SLC51A: variants seen among roughly 807,000 people sequenced by gnomAD.
SLC51A encodes the protein solute carrier family 51 member A.
Under a neutral mutation model 34.8 loss-of-function variants are expected in SLC51A, and 22 were observed. The observed-to-expected ratio is 0.63, with a 90% CI of 0.45 to 0.90. The LOEUF is 0.90. Among genes scored for constraint, SLC51A ranks in the 40% least tolerant of loss-of-function variants. SLC51A has a pLI of 0.00. For synonymous variants in SLC51A, 181 were observed against 176.3 expected (o/e 1.03, Z -0.21); for missense variants, 371 against 414.8 (o/e 0.89, Z 0.92).
chr3:196,231,370 C>T (rs1472393136), intron 7 of SLC51A, among the ~76,000 whole-genome samples: 1 of 152,206 alleles, frequency 6.6e-6, no homozygotes, highest in Admixed American at 6.5e-5. Context: ...GACTTTTCCA[C>T]CAAATGCAAT....
chr3:196,225,318 G>A (rs1245930306), intron 2 of SLC51A, among the ~76,000 whole-genome samples: 1 of 152,062 alleles, frequency 6.6e-6, no homozygotes, highest in Non-Finnish European at 1.5e-5. Flanking sequence ...AGTCCTGGTT[G>A]GTCCTGTGGT....
In SLC51A at chr3:196,232,493, G is replaced by A. The variant is rs183622509; in HGVS notation, c.855G>A (p.Ser285=). The change falls in exon 8 of 9, where the codon TCG becomes TCA. Residue 285 remains serine, a synonymous_variant. Coordinates refer to ENST00000296327, the MANE Select transcript of SLC51A (RefSeq NM_152672.6). The part of the protein sequence containing the change: ...VLANGGQIAC[S]PPYSSKTRSQ... ...CCAACGGTGGGCAGATTGCTTGTTC[G>A]CCTCCCTATTCCTCTAAAACCAGGT... 3.3e-5 allele frequency: 53 copies of A among 1,613,978 alleles called. No homozygotes were observed. In the Admixed American group the frequency reaches 3.7e-4, roughly 11 times the overall value.
In SLC51A at chr3:196,216,942, C is replaced by T. The variant is rs1430892788; in HGVS notation, c.38+192C>T. Among the ~76,000 whole-genome samples, 1 of 152,168 alleles carries T rather than the reference C, an allele frequency of 6.6e-6. No homozygotes were observed. Among genetic ancestry groups the T allele is most frequent in the Non-Finnish European group, 1.5e-5 (1 of 68,022 alleles). On this transcript the variant is annotated intron_variant, in intron 1 of 8. Transcript: ENST00000296327. The surrounding 1 kb of genome is among the most constrained non-coding windows in gnomAD (Gnocchi z 4.5). ...GCCAGGGTGTGACACTCCAGGGCCT[C>T]GGCCTTGCCCCCCAGCGTGGGGAGA... is the stretch of plus-strand genomic sequence containing the variant.
intron 2 of SLC51A, among the ~76,000 whole-genome samples, chr3:196,222,009 C>T (rs910401133): frequency 6.6e-5 from 10 of 152,158 alleles, no homozygotes; most frequent in East Asian, 1.9e-4. Context: ...TGAGCCCCCC[C>T]GCCCGGCCTG....
intron 2 of SLC51A, among the ~76,000 whole-genome samples, chr3:196,220,840 C>T (rs1056183392): frequency 3.3e-5 from 5 of 151,116 alleles, no homozygotes; most frequent in Non-Finnish European, 7.4e-5. Context: ...GAGGCTGTGG[C>T]GAAACTCCTT....
intron 2 of SLC51A, among the ~76,000 whole-genome samples, 169 bp from the exon 3 acceptor site, chr3:196,226,793 AAAG>A (rs1169363492): frequency 0.059 from 8,562 of 145,574 alleles, 439 homozygotes; most frequent in Non-Finnish European, 0.086. Flanking sequence ...AAAAAAAGAA[AAAG>A]AAAAAAAAAA....
rs118117782 is a variant in SLC51A at position 196,221,701 on chromosome 3, T to G, written c.133+3765T>G. Among the ~76,000 whole-genome samples the G allele has an allele frequency of 5.0e-3, 754 of 151,836 alleles. 23 individuals carry two copies. In the South Asian group the frequency reaches 0.065, roughly 13 times the overall value. On this transcript the variant is annotated intron_variant, in intron 2 of 8. Transcript: ENST00000296327. ...TTTACTTTGTTTTTGTTTGTTTGTT[T>G]GTTTGGTTTGGTTTTTTGTTTTTTT...
Position 196,228,804 on chromosome 3 carries a change from C to T in SLC51A, c.522-5C>T. On this transcript the variant is annotated splice_polypyrimidine_tract_variant and splice_region_variant and intron_variant, in intron 5 of 8. Coordinates refer to ENST00000296327, the MANE Select transcript of SLC51A (RefSeq NM_152672.6). This position sits in a 1 kb window ranked among gnomAD's most constrained non-coding sequence, Gnocchi z 4.9. ...CCCATGTTCCTAACCCTCTTCCCCA[C>T]TCAGGAAGAAGCTTCAGCTGCTGAT... The T allele has an allele frequency of 6.2e-7, 1 of 1,611,366 alleles. No homozygotes were observed. The highest frequency in any genetic ancestry group is 8.5e-7 in the Non-Finnish European group (1 of 1,177,516).
chr3:196,232,477 G>A lies in SLC51A; in HGVS notation c.839G>A (p.Gly280Glu), dbSNP rs963667914. Residue 280 changes from glycine to glutamate, a missense_variant, in exon 8 of 9, where the codon GGG becomes GAG. Transcript: ENST00000296327. Reference sequence around the variant, plus strand: ...ATCTTCTCAGTCTTGGCCAACGGTGGGCAGATTGCTTGTTCGCCTCCCTAT... The same window carrying A: ...ATCTTCTCAGTCTTGGCCAACGGTGAGCAGATTGCTTGTTCGCCTCCCTAT... ...PSIFSVLANG[G>E]QIACSPPYSS... 3 of 1,614,098 alleles carry A rather than the reference G, an allele frequency of 1.9e-6. No homozygotes were observed. Among genetic ancestry groups the A allele is most frequent in the East Asian group, 2.2e-5 (1 of 44,896 alleles).
At chr3:196,229,855 A>AAGAGAG (rs144375332) in intron 6 of SLC51A, 60 bp from the exon 7 acceptor site, 3 of 1,393,838 alleles carry the variant, frequency 2.2e-6, no homozygotes, top group Non-Finnish European at 2.9e-6. Context: ...CATCTCTTGA[A>AAGAGAG]AGAGAGAGAG....
At position 196,228,538 on chromosome 3, in the gene SLC51A, G is replaced by T; in HGVS notation, c.521+265G>T. 1 of 604,368 alleles carries T rather than the reference G, an allele frequency of 1.7e-6. No individual in the cohort carries two copies. The highest frequency in any genetic ancestry group is 2.9e-6 in the Non-Finnish European group (1 of 343,850). The allele number at this position is 604,368 out of a possible 1,614,324, so 37.4% of individuals were successfully genotyped here. ...AAACTGGACTTGGGGCCATTCGCTT[G>T]CCCCTTCTGCCCACTTTGGTGAATG... On this transcript the variant is annotated intron_variant, in intron 5 of 8. Transcript: ENST00000296327. This position sits in a 1 kb window ranked among gnomAD's most constrained non-coding sequence, Gnocchi z 4.9.
At chr3:196,227,850 G>T in intron 4 of SLC51A, 113 bp downstream of exon 4, 1 of 1,114,732 alleles carries the variant, frequency 9.0e-7, no homozygotes. Flanking sequence ...CCCAGCTTGT[G>T]CTAGTTCCGG....
intron 2 of SLC51A, among the ~76,000 whole-genome samples, chr3:196,223,423 T>C (rs544553376): frequency 4.7e-4 from 71 of 151,774 alleles, no homozygotes; most frequent in African/African-American, 1.7e-3. Context: ...ATAGCCCTGA[T>C]GTGGGCGGAA....
At position 196,228,480 on chromosome 3, in the gene SLC51A, C is replaced by T; in HGVS notation, c.521+207C>T. ...CTCCTCAATTGTCATCACTGAACTTCACTGCACCCTGCAAGCCTTAGCCAC... is the reference window on the plus strand; with the variant it reads ...CTCCTCAATTGTCATCACTGAACTTTACTGCACCCTGCAAGCCTTAGCCAC... On this transcript the variant is annotated intron_variant, in intron 5 of 8. Coordinates refer to ENST00000296327, the MANE Select transcript of SLC51A (RefSeq NM_152672.6). This position sits in a 1 kb window ranked among gnomAD's most constrained non-coding sequence, Gnocchi z 4.9. The T allele has an allele frequency of 3.1e-6, 2 of 650,536 alleles. No individual in the cohort carries two copies. The highest frequency in any genetic ancestry group is 5.2e-6 in the Non-Finnish European group (2 of 384,610). The allele number at this position is 650,536 out of a possible 1,614,324, so 40.3% of individuals were successfully genotyped here.
intron 2 of SLC51A, chr3:196,223,857 CTTTTTT>C (rs10578707): frequency 2.8e-3 from 945 of 333,482 alleles, no homozygotes; most frequent in East Asian, 6.3e-3. Context: ...TTTTTAATGC[CTTTTTT>C]TTTTTTTTTT....
Position 196,228,871 on chromosome 3 carries a change from C to T in SLC51A, c.584C>T (p.Thr195Ile). ...FQYAFLKITL[T>I]LVGLFLVPDG... ...TACGCCTTCTTGAAGATAACGCTGA[C>T]CCTGGTGGGCCTGTTTCTCGTCCCC... Residue 195 changes from threonine (T) to isoleucine (I), a missense_variant, in exon 6 of 9, where the codon ACC becomes ATC. Coordinates refer to ENST00000296327, the MANE Select transcript of SLC51A (RefSeq NM_152672.6). The surrounding 1 kb of genome is among the most constrained non-coding windows in gnomAD (Gnocchi z 4.9). 2 of 1,614,190 alleles carry T rather than the reference C, an allele frequency of 1.2e-6. No individual in the cohort carries two copies. The highest frequency in any genetic ancestry group is 8.5e-7 in the Non-Finnish European group (1 of 1,180,038).
rs144779175 is a variant in SLC51A at position 196,227,703 on chromosome 3, C to A, written c.328C>A (p.Arg110Ser). 1 of 1,613,916 alleles carries A rather than the reference C, an allele frequency of 6.2e-7. No homozygotes were observed. Among genetic ancestry groups the A allele is most frequent in the Non-Finnish European group, 8.5e-7 (1 of 1,179,924 alleles). The change falls in exon 4 of 9, where the codon CGT becomes AGT. Residue 110 changes from arginine to serine, a missense_variant. Physicochemically the swap from Arg to Ser is moderately radical, Grantham distance 110. Coordinates refer to ENST00000296327, the MANE Select transcript of SLC51A (RefSeq NM_152672.6). ...VLCCFGLWIPRSLVLVEMTIT... is the reference protein window; with the variant it reads ...VLCCFGLWIPSSLVLVEMTIT... The stretch of plus-strand genomic sequence containing the variant: ...GTGCTGCTTTGGTCTCTGGATCCCT[C>A]GTTCCCTGGTGCTGGTGGAAATGAC...
chr3:196,228,307 C>G lies in SLC51A; in HGVS notation c.521+34C>G. 1 of 1,589,994 alleles carries G rather than the reference C, an allele frequency of 6.3e-7. No homozygotes were observed. The highest frequency in any genetic ancestry group is 8.5e-7 in the Non-Finnish European group (1 of 1,171,360). ...GGGCCAAGGTGCCTTCCCCAGGAGC[C>G]GGGGAGCCTCTCCTGGACCCCTGGT... On this transcript the variant is annotated intron_variant, in intron 5 of 8. Transcript: ENST00000296327. This position sits in a 1 kb window ranked among gnomAD's most constrained non-coding sequence, Gnocchi z 4.9.
chr3:196,219,363 C>T (rs1461246735), intron 2 of SLC51A, among the ~76,000 whole-genome samples: 1 of 152,208 alleles, frequency 6.6e-6, no homozygotes, highest in African/African-American at 2.4e-5. Flanking sequence ...CTCACGCCTG[C>T]GTTTTATTTT....
Sources: allele counts gnomAD v4.1 joint callset (sites outside exome capture counted in the v4.1 genomes callset), GRCh38; gene constraint gnomAD v4.1.1; non-coding constraint Gnocchi (gnomAD v3.1); transcripts MANE v1.5; gene names NCBI Gene and HGNC (gene_info 2026-07-23, HGNC 2026-07-21).